The following INIP variants were observed in gnomAD, a reference collection of about 807,000 sequenced individuals.
INIP encodes SOSS complex subunit C.
In INIP, 9 loss-of-function variants were observed where a neutral mutation model predicts 14.0. The ratio of observed to expected loss-of-function variants is 0.64; its 90% CI spans 0.39 to 1.12. INIP has a LOEUF of 1.12. Ranked by LOEUF, INIP falls within the 50% of genes most tolerant of loss-of-function variation. The pLI is 0.01. For synonymous variants in INIP, 37 were observed against 41.5 expected (o/e 0.89, Z 0.41); for missense variants, 78 against 122.7 (o/e 0.64, Z 1.72).
intron 2 of INIP, among the ~76,000 whole-genome samples, chr9:112,695,412 C>G (rs114348320): frequency 2.0e-4 from 30 of 152,106 alleles, no homozygotes; most frequent in African/African-American, 6.3e-4. Flanking sequence ...GAATTTTATA[C>G]TGATTATAAA....
rs1675225812 is a variant in INIP, at chr9:112,687,419, A to G, written c.*119T>C. 3.2e-6 allele frequency: 2 copies of G among 630,706 alleles called. No individual in the cohort carries two copies. The highest frequency in any genetic ancestry group is 2.4e-5 in the Admixed American group (1 of 41,800). The allele number at this position is 630,706 out of a possible 1,614,324, so 39.1% of individuals were successfully genotyped here. A position where few individuals can be genotyped will look rare whatever the true frequency, so the allele number is the denominator to read the frequency against. On this transcript the variant is annotated 3_prime_UTR_variant, in exon 5 of 5. Coordinates refer to ENST00000374242, the MANE Select transcript of INIP (RefSeq NM_021218.3). The stretch of plus-strand genomic sequence containing the variant: ...TCACTTACACATTCCTTTCTTTCAG[A>G]CAAACAAAAAATATCAAAGTTCACC...
chr9:112,688,109 T>TAAATAAAC (rs1365725095), intron 4 of INIP, among the ~76,000 whole-genome samples: 24 of 151,492 alleles, frequency 1.6e-4, no homozygotes, highest in African/African-American at 9.7e-5. Flanking sequence ...AATAAATAAA[T>TAAATAAAC]AAATAAATAA....
Position 112,687,901 on chromosome 9 carries a change from T to C in INIP, c.220-268A>G, listed in dbSNP as rs558586415. 7.7e-4 allele frequency among the ~76,000 whole-genome samples: 117 copies of C among 152,104 alleles called. 1 individual carries two copies. Among genetic ancestry groups the C allele is most frequent in the African/African-American group, 2.5e-3 (102 of 41,514 alleles). On this transcript the variant is annotated intron_variant, in intron 4 of 4. Transcript: ENST00000374242. Reference sequence around the variant, plus strand: ...GAGATCGAGACCATCCTGGCTAACGTGGTGAAACCCCGTCTCTACTAAAAA... The same window carrying C: ...GAGATCGAGACCATCCTGGCTAACGCGGTGAAACCCCGTCTCTACTAAAAA...
chr9:112,709,241 T>A (rs1838573852), intron 2 of INIP, among the ~76,000 whole-genome samples: 1 of 152,092 alleles, frequency 6.6e-6, no homozygotes, highest in Non-Finnish European at 1.5e-5. Context: ...ATTTTCTGCT[T>A]AATAACCAAT....
chr9:112,698,174 C>T (rs940923054), intron 2 of INIP, among the ~76,000 whole-genome samples: 49 of 151,824 alleles, frequency 3.2e-4, no homozygotes, highest in African/African-American at 1.1e-3. Context: ...CGTGGTGGCG[C>T]GTGCCTGTAG....
intron 2 of INIP, 49 bp downstream of exon 2, chr9:112,716,412 T>C (rs1185332171): frequency 6.5e-7 from 1 of 1,542,400 alleles, no homozygotes; most frequent in South Asian, 1.1e-5. Context: ...CAAATACATT[T>C]ACTATATTGG....
chr9:112,713,854 C>T (rs1838721833), intron 2 of INIP, among the ~76,000 whole-genome samples: 2 of 151,986 alleles, frequency 1.3e-5, no homozygotes, highest in Non-Finnish European at 2.9e-5. Flanking sequence ...CGCAGTGGCA[C>T]GCGCCTGTAA....
rs180997227 is a variant in INIP, at chr9:112,700,920, C to T, written c.26-6687G>A. Among the ~76,000 whole-genome samples, 8 of 152,086 alleles carry T rather than the reference C, an allele frequency of 5.3e-5. No individual in the cohort carries two copies. The East Asian group carries it at 1.5e-3, about 29-fold the overall frequency. ...GAGCTATTTTTGCACCACTGCATTC[C>T]AACCTGCGCAAAAGAGAGAGACCCT... On this transcript the variant is annotated intron_variant, in intron 2 of 4. Transcript: ENST00000374242.
Position 112,716,475 on chromosome 9 carries a change from T to TTCC in INIP, c.10_11insGGA (p.Ala3_Asn4insArg), listed in dbSNP as rs1263034409. 1 of 1,613,666 alleles carries TTCC rather than the reference T, an allele frequency of 6.2e-7. No individual in the cohort carries two copies. The highest frequency in any genetic ancestry group is 2.2e-5 in the East Asian group (1 of 44,870). On this transcript the variant is annotated inframe_insertion, in exon 2 of 5. Coordinates refer to ENST00000374242, the MANE Select transcript of INIP (RefSeq NM_021218.3). ...GCTGTCATTACCTTGTCCTGAAGAG[T>TTCC]TTGCTGCCATTTTCCTATTTTGTTT...
intron 2 of INIP, among the ~76,000 whole-genome samples, chr9:112,699,431 C>CA: frequency 6.6e-6 from 1 of 152,190 alleles, no homozygotes; most frequent in East Asian, 1.9e-4. Context: ...AACCACAGTA[C>CA]AAAAATAGGC....
Position 112,687,088 on chromosome 9 carries a change from C to T in INIP, c.*450G>A, listed in dbSNP as rs1162258590. The T allele has an allele frequency of 6.5e-6, 1 of 153,152 alleles. No individual in the cohort carries two copies. Among genetic ancestry groups the T allele is most frequent in the Non-Finnish European group, 1.5e-5 (1 of 68,750 alleles). The allele number at this position is 153,152 out of a possible 1,614,324, so 9.5% of individuals were successfully genotyped here. A position where few individuals can be genotyped will look rare whatever the true frequency, so the allele number is the denominator to read the frequency against. On this transcript the variant is annotated 3_prime_UTR_variant, in exon 5 of 5. Coordinates refer to ENST00000374242, the MANE Select transcript of INIP (RefSeq NM_021218.3). Reference sequence around the variant, plus strand: ...GTTGACTATAAACGCAAAAGGTATACTGATAGCAATCCTATAAACAGCAAA... The same window carrying T: ...GTTGACTATAAACGCAAAAGGTATATTGATAGCAATCCTATAAACAGCAAA...
intron 3 of INIP, among the ~76,000 whole-genome samples, chr9:112,692,564 G>A (rs543849222): frequency 4.6e-5 from 7 of 152,152 alleles, no homozygotes; most frequent in East Asian, 1.9e-4. Flanking sequence ...GATTACAGGC[G>A]TGAGCCACCA....
intron 2 of INIP, among the ~76,000 whole-genome samples, chr9:112,694,829 G>A (rs752348847): frequency 1.3e-5 from 2 of 152,186 alleles, no homozygotes; most frequent in East Asian, 3.8e-4. Flanking sequence ...GAAATGGAGC[G>A]TAACTGACAG....
rs970231867 is a variant in INIP at position 112,686,831 on chromosome 9, A to C, written c.*707T>G. 1 of 152,266 alleles carries C rather than the reference A, an allele frequency of 6.6e-6. No homozygotes were observed. Among genetic ancestry groups the C allele is most frequent in the African/African-American group, 2.4e-5 (1 of 41,478 alleles). The allele number at this position is 152,266 out of a possible 1,614,324, so 9.4% of individuals were successfully genotyped here. A position where few individuals can be genotyped will look rare whatever the true frequency, so the allele number is the denominator to read the frequency against. ...TTCAGTTAGAACAAAAATGGAAAAC[A>C]GAACCACACAAACTCATCATTTATG... is the stretch of plus-strand genomic sequence containing the variant. On this transcript the variant is annotated 3_prime_UTR_variant, in exon 5 of 5. Coordinates refer to ENST00000374242, the MANE Select transcript of INIP (RefSeq NM_021218.3).
intron 2 of INIP, among the ~76,000 whole-genome samples, chr9:112,698,686 G>A (rs1588079208): frequency 6.6e-6 from 1 of 152,268 alleles, no homozygotes; most frequent in Non-Finnish European, 1.5e-5. Flanking sequence ...GCCATTTGGT[G>A]TGCAACTATG....
rs1837590950 is a variant in INIP, at chr9:112,684,601, A to G, written c.*2937T>C. 6.6e-6 allele frequency: 1 copy of G among 152,136 alleles called. No homozygotes were observed. Among genetic ancestry groups the G allele is most frequent in the Non-Finnish European group, 1.5e-5 (1 of 68,048 alleles). 9.4% of individuals were successfully genotyped at this position (152,136 alleles called of 1,614,324 possible). On this transcript the variant is annotated 3_prime_UTR_variant, in exon 5 of 5. Transcript: ENST00000374242. Reference sequence around the variant, plus strand: ...AAGTAAAATATAGGAACACACAGAAACAGAATATTCATGAGGCAAAACCAC... The same window carrying G: ...AAGTAAAATATAGGAACACACAGAAGCAGAATATTCATGAGGCAAAACCAC...
intron 4 of INIP, among the ~76,000 whole-genome samples, 193 bp from the exon 5 acceptor site, chr9:112,687,826 T>C (rs786971): frequency 0.99 from 151,484 of 152,298 alleles, 75,339 homozygotes; most frequent in Middle Eastern, 1. Context: ...TGGCTCACAC[T>C]GGTAATCCCA....
chr9:112,715,901 G>A (rs1838797605), intron 2 of INIP, among the ~76,000 whole-genome samples: 1 of 151,558 alleles, frequency 6.6e-6, no homozygotes, highest in African/African-American at 2.4e-5. Context: ...CATTAGCCTA[G>A]GCTTACACAG....
At chr9:112,699,164 T>G (rs553413408) in intron 2 of INIP, among the ~76,000 whole-genome samples, 2 of 148,942 alleles carry the variant, frequency 1.3e-5, no homozygotes, top group Non-Finnish European at 3.0e-5. Flanking sequence ...AAAAAAAAAA[T>G]TTTTTTTTTC....
Sources: gnomAD v4.1 joint callset for allele counts (sites outside exome capture counted in the v4.1 genomes callset) on GRCh38, gnomAD v4.1.1 for gene constraint, MANE v1.5 for transcripts, NCBI Gene and HGNC (gene_info 2026-07-23, HGNC 2026-07-21) for gene names.